The following PDE1A variants were observed in gnomAD, a reference collection of about 807,000 sequenced individuals.
PDE1A encodes phosphodiesterase 1A.
Under a neutral mutation model 61.7 loss-of-function variants are expected in PDE1A, and 35 were observed. That is an observed-to-expected ratio of 0.57 (90% CI 0.43 to 0.75). The LOEUF (loss-of-function observed/expected upper bound fraction) is 0.75. Ranked by LOEUF, PDE1A falls within the 30% of genes least tolerant of loss-of-function variation. The probability of loss-of-function intolerance (pLI) is 0.00; values close to 1 mark genes in which losing one functional copy is unlikely to be tolerated. For synonymous variants in PDE1A, 232 were observed against 213.2 expected (o/e 1.09, Z -0.77); for missense variants, 597 against 630.6 (o/e 0.95, Z 0.57).
downstream of PDE1A, among the ~76,000 whole-genome samples, chr2:182,167,608 C>T (rs1691722338): frequency 6.6e-6 from 1 of 152,122 alleles, no homozygotes; most frequent in Non-Finnish European, 1.5e-5. Flanking sequence ...ACTACCCTTT[C>T]CCTCTTCGAA....
At chr2:182,242,307 G>C (rs1690579686) in intron 2 of PDE1A, among the ~76,000 whole-genome samples, 1 of 152,186 alleles carries the variant, frequency 6.6e-6, no homozygotes, top group African/African-American at 2.4e-5. Flanking sequence ...TAGGAGGCTG[G>C]AAATCCTTAG....
In PDE1A at chr2:182,416,923, CT is replaced by C. The variant is rs531187784; in HGVS notation, c.53+9654del. 4.6e-5 allele frequency among the ~76,000 whole-genome samples: 7 copies of C among 152,246 alleles called. No homozygotes were observed. The East Asian group carries it at 1.4e-3, about 29-fold the overall frequency. ...CATTTGATGCTTTTGTTCAGAGTAT[CT>C]CAGGGGAATGGTGACCTACGACCAA... On this transcript the variant is annotated intron_variant, in intron 1 of 13. Transcript: ENST00000351439.
intron 1 of PDE1A, among the ~76,000 whole-genome samples, chr2:182,302,262 G>T (rs1695293640): frequency 6.6e-6 from 1 of 152,166 alleles, no homozygotes; most frequent in Non-Finnish European, 1.5e-5. Context: ...CACATGGTAA[G>T]ATAGATTGCA....
At chr2:182,452,846 T>A (rs1685619792) in intron 2 of PDE1A, among the ~76,000 whole-genome samples, 1 of 152,212 alleles carries the variant, frequency 6.6e-6, no homozygotes, top group Admixed American at 6.5e-5. Flanking sequence ...AATCAAGGGA[T>A]AACTTTCCTG....
At chr2:182,491,985 C>T (rs1199543863) in intron 2 of PDE1A, among the ~76,000 whole-genome samples, 3 of 152,122 alleles carry the variant, frequency 2.0e-5, no homozygotes, top group Non-Finnish European at 4.4e-5. Flanking sequence ...CATTAAACTC[C>T]ATGCACTCAT....
At chr2:182,325,340 A>G (rs1696968545) in intron 1 of PDE1A, among the ~76,000 whole-genome samples, 1 of 152,196 alleles carries the variant, frequency 6.6e-6, no homozygotes, top group South Asian at 2.1e-4. Flanking sequence ...GATCTAACAT[A>G]AAAGCTAAAA....
At chr2:182,212,414 C>A (rs748032922) in intron 7 of PDE1A, among the ~76,000 whole-genome samples, 82 of 152,210 alleles carry the variant, frequency 5.4e-4, no homozygotes, top group Non-Finnish European at 1.0e-3. Flanking sequence ...TGGGGAGGAG[C>A]CAAGATGGCA....
chr2:182,682,952 G>A, the PDE1A span, among the ~76,000 whole-genome samples: 1 of 151,982 alleles, frequency 6.6e-6, no homozygotes, highest in Non-Finnish European at 1.5e-5. Context: ...GGGTAGCCCA[G>A]TTAAGTTTTT....
intron 1 of PDE1A, among the ~76,000 whole-genome samples, chr2:182,301,199 T>A (rs1012517626): frequency 6.6e-6 from 1 of 152,132 alleles, no homozygotes; most frequent in Non-Finnish European, 1.5e-5. Context: ...TATCACTCAT[T>A]TTACAATATA....
upstream of PDE1A, chr2:182,522,957 T>G (rs530187953): frequency 3.9e-5 from 6 of 152,278 alleles, no homozygotes; most frequent in East Asian, 3.9e-4. Context: ...CACTTAAAAA[T>G]GTATCATCAT....
chr2:182,626,290 C>A, the PDE1A span, among the ~76,000 whole-genome samples: 1 of 152,088 alleles, frequency 6.6e-6, no homozygotes, highest in East Asian at 1.9e-4. Context: ...TGGTGAAAAC[C>A]AGAATAACAC....
chr2:182,207,087 A>C (rs535646913), intron 7 of PDE1A, among the ~76,000 whole-genome samples: 1 of 152,322 alleles, frequency 6.6e-6, no homozygotes, highest in East Asian at 1.9e-4. Context: ...AGATACCTAA[A>C]AATGTGGAAG....
At chr2:182,375,732 C>T (rs1263235835) in intron 1 of PDE1A, among the ~76,000 whole-genome samples, 4 of 152,252 alleles carry the variant, frequency 2.6e-5, no homozygotes, top group Non-Finnish European at 5.9e-5. Flanking sequence ...TTCCCTTCCA[C>T]ACTGCCTTAG....
chr2:182,210,465 C>G (rs1687488015), intron 7 of PDE1A, among the ~76,000 whole-genome samples: 1 of 152,108 alleles, frequency 6.6e-6, no homozygotes, highest in Non-Finnish European at 1.5e-5. Flanking sequence ...GCTGGAGTGA[C>G]TGGTAAAGTT....
the PDE1A span, among the ~76,000 whole-genome samples, chr2:182,574,542 C>T: frequency 9.1e-3 from 1,382 of 152,188 alleles, 19 homozygotes; most frequent in African/African-American, 0.031. Flanking sequence ...ATAAAGTTAA[C>T]AATACTTAAA....
intron 6 of PDE1A, among the ~76,000 whole-genome samples, chr2:182,225,528 G>A (rs972183847): frequency 6.6e-6 from 1 of 151,878 alleles, no homozygotes; most frequent in Non-Finnish European, 1.5e-5. Flanking sequence ...GCATTAAAAA[G>A]AGGCAACAGT....
At chr2:182,241,455 G>A (rs1690501786) in intron 2 of PDE1A, among the ~76,000 whole-genome samples, 2 of 152,196 alleles carry the variant, frequency 1.3e-5, no homozygotes, top group Non-Finnish European at 2.9e-5. Context: ...TAATGCCTCA[G>A]AAACAAGGCA....
the PDE1A span, among the ~76,000 whole-genome samples, chr2:182,627,320 T>TATTA: frequency 4.6e-5 from 4 of 86,536 alleles, no homozygotes; most frequent in South Asian, 3.2e-4. Flanking sequence ...AATATATATA[T>TATTA]TATATATATA....
At chr2:182,602,886 T>C in the PDE1A span, among the ~76,000 whole-genome samples, 1 of 151,946 alleles carries the variant, frequency 6.6e-6, no homozygotes, top group Non-Finnish European at 1.5e-5. Flanking sequence ...GGGTTAGAGG[T>C]TGTAGCCAAT....
Sources: gnomAD v4.1 joint callset for allele counts (sites outside exome capture counted in the v4.1 genomes callset) on GRCh38, gnomAD v4.1.1 for gene constraint, MANE v1.5 for transcripts, NCBI Gene and HGNC (gene_info 2026-07-23, HGNC 2026-07-21) for gene names.